ATRNL1: variants seen among roughly 807,000 people sequenced by gnomAD.
ATRNL1 encodes the protein attractin like 1, also known as attractin-like protein 1.
Under a neutral mutation model 182.7 loss-of-function variants are expected in ATRNL1, and 95 were observed. The observed-to-expected ratio is 0.52, with a 90% CI of 0.44 to 0.62. The LOEUF is 0.62. Ranked by LOEUF, ATRNL1 falls within the 20% of genes least tolerant of loss-of-function variation. The pLI is 0.00. For missense variants in ATRNL1, 1,471 were observed against 1,679.5 expected (o/e 0.88, Z 2.17); for synonymous variants, 576 against 568.3 (o/e 1.01, Z -0.19).
At chr10:115,545,050 A>G (rs1852569150) in intron 25 of ATRNL1, among the ~76,000 whole-genome samples, 2 of 152,038 alleles carry the variant, frequency 1.3e-5, no homozygotes, top group Admixed American at 6.6e-5. Flanking sequence ...ATTACCCTAT[A>G]TAAGGATAAT....
intron 26 of ATRNL1, among the ~76,000 whole-genome samples, chr10:115,581,878 T>A (rs1555007651): frequency 2.1e-5 from 3 of 143,888 alleles, no homozygotes; most frequent in Admixed American, 1.4e-4. Flanking sequence ...ATACCTCCCA[T>A]TGCTATCCCT....
intron 25 of ATRNL1, among the ~76,000 whole-genome samples, chr10:115,548,968 A>C (rs951869474): frequency 1.3e-5 from 2 of 152,148 alleles, no homozygotes; most frequent in Non-Finnish European, 2.9e-5. Context: ...TAATATGTTC[A>C]TACATAAAGG....
chr10:115,505,246 C>T (rs1045863193), intron 24 of ATRNL1, among the ~76,000 whole-genome samples: 4 of 150,388 alleles, frequency 2.7e-5, no homozygotes, highest in African/African-American at 9.8e-5. Context: ...AATCCTGGGT[C>T]TCCAAAAAGG....
At chr10:115,239,175 G>C (rs1850305120) in intron 9 of ATRNL1, among the ~76,000 whole-genome samples, 1 of 143,300 alleles carries the variant, frequency 7.0e-6, no homozygotes, top group Non-Finnish European at 1.5e-5. Context: ...CTGTCCACTA[G>C]ATTATAGTAT....
rs1856072921 is a variant in ATRNL1 at position 115,348,371 on chromosome 10, GTATAA to G, written c.3175+13957_3175+13961del. Among the ~76,000 whole-genome samples, 3 of 152,208 alleles carry G rather than the reference GTATAA, an allele frequency of 2.0e-5. No homozygotes were observed. The South Asian group carries it at 6.2e-4, about 32-fold the overall frequency. On this transcript the variant is annotated intron_variant, in intron 19 of 28. Transcript: ENST00000355044. ...TCATAAATGTGGTACTTTATATGTTGTATAATATATGTTCCTGGCAAATGTTAACT... is the reference window on the plus strand; with the variant it reads ...TCATAAATGTGGTACTTTATATGTTGTATATGTTCCTGGCAAATGTTAACT...
rs10546896 is a variant in ATRNL1 at position 115,738,126 on chromosome 10, A to ATTTTTTTTTT, written c.3903+10792_3903+10801dup. Among the ~76,000 whole-genome samples the ATTTTTTTTTT allele has an allele frequency of 2.1e-3, 97 of 47,100 alleles. 12 individuals carry two copies. The highest frequency in any genetic ancestry group is 5.4e-3 in the African/African-American group (82 of 15,216). 30.9% of individuals were successfully genotyped at this position (47,100 alleles called of 152,430 possible). A position where few individuals can be genotyped will look rare whatever the true frequency, so the allele number is the denominator to read the frequency against. On this transcript the variant is annotated intron_variant, in intron 27 of 28. Coordinates refer to ENST00000355044, the MANE Select transcript of ATRNL1 (RefSeq NM_207303.4). ...ATAAAAAATGATTTAGAAGATAATG[A>ATTTTTTTTTT]TTTTTTTTTTTTTTTTTTTTTTTTT...
chr10:115,710,314 C>T (rs544259752), intron 26 of ATRNL1, among the ~76,000 whole-genome samples: 1 of 152,074 alleles, frequency 6.6e-6, no homozygotes, highest in Admixed American at 6.6e-5. Context: ...AAAAGGGGTA[C>T]ATGAATCAGA....
At chr10:115,346,317 A>C (rs2134108990) in intron 19 of ATRNL1, among the ~76,000 whole-genome samples, 1 of 152,242 alleles carries the variant, frequency 6.6e-6, no homozygotes. Flanking sequence ...TGTTTCTGTG[A>C]ATTTGATGGC....
At chr10:115,359,272 A>G (rs923886545) in intron 19 of ATRNL1, among the ~76,000 whole-genome samples, 3 of 151,716 alleles carry the variant, frequency 2.0e-5, no homozygotes, top group East Asian at 1.9e-4. Context: ...TATGCTCACT[A>G]TTAGGTAGTA....
rs533427460 is a variant in ATRNL1 at position 115,663,034 on chromosome 10, C to CA, written c.3796-64211dup. ...CTGTTATCTCTTCTGAAGAGTTATT[C>CA]AAATTTTTATTGTTATATAAATTAA... is the stretch of plus-strand genomic sequence containing the variant. On this transcript the variant is annotated intron_variant, in intron 26 of 28. Coordinates refer to ENST00000355044, the MANE Select transcript of ATRNL1 (RefSeq NM_207303.4). Among the ~76,000 whole-genome samples the CA allele has an allele frequency of 2.1e-4, 32 of 152,074 alleles. No individual in the cohort carries two copies. The East Asian group carries it at 6.2e-3, about 29-fold the overall frequency.
intron 26 of ATRNL1, among the ~76,000 whole-genome samples, chr10:115,624,307 T>A (rs925124394): frequency 4.9e-4 from 75 of 152,018 alleles, no homozygotes; most frequent in Non-Finnish European, 1.6e-4. Context: ...GTTTAAATTA[T>A]GTTTTCTAAA....
chr10:115,579,890 A>G (rs537135933), intron 26 of ATRNL1, among the ~76,000 whole-genome samples: 3 of 151,470 alleles, frequency 2.0e-5, no homozygotes, highest in African/African-American at 4.8e-5. Flanking sequence ...TTGTATAGGT[A>G]TTTTCTTTGT....
At chr10:115,576,230 C>T (rs890750298) in intron 26 of ATRNL1, among the ~76,000 whole-genome samples, 12 of 151,982 alleles carry the variant, frequency 7.9e-5, no homozygotes, top group South Asian at 2.1e-4. Context: ...GTGCTGATTT[C>T]GTTTCCTTTG....
At chr10:115,508,619 A>C (rs1320807250) in intron 24 of ATRNL1, among the ~76,000 whole-genome samples, 4 of 152,042 alleles carry the variant, frequency 2.6e-5, no homozygotes, top group African/African-American at 9.7e-5. Context: ...TAGTTGTCCG[A>C]ATATAAGATC....
At chr10:115,687,082 G>T (rs1555046533) in intron 26 of ATRNL1, among the ~76,000 whole-genome samples, 1 of 151,894 alleles carries the variant, frequency 6.6e-6, no homozygotes, top group African/African-American at 2.4e-5. Context: ...TAGCAATTTT[G>T]ATTTGGATTA....
intron 24 of ATRNL1, among the ~76,000 whole-genome samples, chr10:115,472,690 T>A (rs1480839031): frequency 1.3e-5 from 2 of 151,202 alleles, no homozygotes; most frequent in Non-Finnish European, 3.0e-5. Context: ...TGTATGTTGG[T>A]TTTGTATCCT....
intron 5 of ATRNL1, among the ~76,000 whole-genome samples, chr10:115,147,650 G>C (rs1846030773): frequency 6.6e-6 from 1 of 152,078 alleles, no homozygotes; most frequent in Non-Finnish European, 1.5e-5. Context: ...TTTGTATATG[G>C]TGAGAGATAA....
chr10:115,729,564 T>C (rs189700340), intron 27 of ATRNL1, among the ~76,000 whole-genome samples: 162 of 151,574 alleles, frequency 1.1e-3, no homozygotes, highest in Middle Eastern at 3.4e-3. Context: ...CTTTTTGTTT[T>C]TTTTTCCCAG....
chr10:115,502,542 T>A (rs2901050), intron 24 of ATRNL1, among the ~76,000 whole-genome samples: 145,883 of 151,858 alleles, frequency 0.96, 70,116 homozygotes, highest in East Asian at 1. Flanking sequence ...AGCCAATTAA[T>A]TTTTTTTTAA....
Sources: allele counts gnomAD v4.1 joint callset (sites outside exome capture counted in the v4.1 genomes callset), GRCh38; gene constraint gnomAD v4.1.1; transcripts MANE v1.5; gene names NCBI Gene and HGNC (gene_info 2026-07-23, HGNC 2026-07-21).